Variants in HSPG2 observed in about 807,000 individuals in gnomAD.
The protein encoded by HSPG2 is heparan sulfate proteoglycan 2.
Under a neutral mutation model 526.6 loss-of-function variants are expected in HSPG2, and 278 were observed. The observed-to-expected ratio is 0.53, with a 90% CI of 0.48 to 0.58. The LOEUF is 0.58. Among genes scored for constraint, HSPG2 ranks in the 20% least tolerant of loss-of-function variants. HSPG2 has a pLI of 0.00. For synonymous variants in HSPG2, 2,465 were observed against 2,555.4 expected, an observed-to-expected ratio of 0.96 and a Z score of 1.07; for missense variants, 5,354 against 6,099.5, an observed-to-expected ratio of 0.88 and a Z score of 4.07.
intron 1 of HSPG2, among the ~76,000 whole-genome samples, chr1:21,913,890 C>G (rs1254622431): frequency 6.6e-6 from 1 of 152,232 alleles, no homozygotes; most frequent in East Asian, 1.9e-4. Context: ...GGCTCTGCCG[C>G]TTGCCAGCTG....
In HSPG2 at chr1:21,884,827, T is replaced by A; in HGVS notation, c.1447A>T (p.Asn483Tyr). ...DQGAYTCEAM[N>Y]ARGMVFGIPD... ...ATGCCAAACACCATGCCCCGGGCGT[T>A]CATGGCCTCACAGGTGTAGGCACCC... The change falls in exon 12 of 97, where the codon AAC becomes TAC. Residue 483 changes from asparagine (N) to tyrosine (Y), a missense_variant. By Grantham distance (143) the Asn-to-Tyr change is moderately radical. Coordinates refer to ENST00000374695, the MANE Select transcript of HSPG2 (RefSeq NM_005529.7). 6.2e-7 allele frequency: 1 copy of A among 1,613,836 alleles called. No individual in the cohort carries two copies. The highest frequency in any genetic ancestry group is 8.5e-7 in the Non-Finnish European group (1 of 1,180,002).
intron 1 of HSPG2, among the ~76,000 whole-genome samples, chr1:21,918,198 C>T (rs1643933451): frequency 6.6e-6 from 1 of 152,160 alleles, no homozygotes; most frequent in South Asian, 2.1e-4. Context: ...TGTGCAGTTG[C>T]TCACGTCTGT....
intron 1 of HSPG2, among the ~76,000 whole-genome samples, chr1:21,901,770 C>T (rs994911692): frequency 2.0e-5 from 3 of 152,126 alleles, no homozygotes. Context: ...CATCAAAATC[C>T]AGAGACAGTG....
In HSPG2 at chr1:21,883,951, A is replaced by T. The variant is rs113807776; in HGVS notation, c.1654+577T>A. Among the ~76,000 whole-genome samples the T allele has an allele frequency of 7.5e-4, 115 of 152,342 alleles. 1 individual carries two copies. Among genetic ancestry groups the T allele is most frequent in the African/African-American group, 2.7e-3 (111 of 41,578 alleles). On this transcript the variant is annotated intron_variant, in intron 13 of 96. Transcript: ENST00000374695. ...GGCCAAGAGACTTGCCCAAAGACAC[A>T]GCGGCAGTAAGTGGTATAGCTGGAG...
At chr1:21,891,978 A>G (rs1183783344) in intron 3 of HSPG2, among the ~76,000 whole-genome samples, 5 of 152,404 alleles carry the variant, frequency 3.3e-5, no homozygotes, top group African/African-American at 4.8e-5. Flanking sequence ...TGAATGAATA[A>G]GAGTGACAAA....
Position 21,842,261 on chromosome 1 carries a change from CG to C in HSPG2, c.9029del (p.Pro3010ArgfsTer95). On this transcript the variant is annotated frameshift_variant, in exon 68 of 97. Transcript: ENST00000374695. LOFTEE classifies it high-confidence loss of function. ...CACGGTAGGAAGACCCCTCACTGGG[CG>C]GGACGGTGACTGTGAAGGAGGCTTC... ...EQEASFTVTV[P>X]PSEGSSYRLR... The C allele has an allele frequency of 6.2e-7, 1 of 1,613,482 alleles. No homozygotes were observed. The highest frequency in any genetic ancestry group is 8.5e-7 in the Non-Finnish European group (1 of 1,179,862).
intron 91 of HSPG2, among the ~76,000 whole-genome samples, chr1:21,827,194 CA>C (rs1263471788): frequency 6.6e-6 from 1 of 152,076 alleles, no homozygotes; most frequent in Non-Finnish European, 1.5e-5. Flanking sequence ...GGTGAAAGAG[CA>C]AGACTCCACC....
rs138518139 is a variant in HSPG2 at position 21,896,225 on chromosome 1, T to A, written c.149A>T (p.His50Leu). 268 of 1,613,822 alleles carry A rather than the reference T, an allele frequency of 1.7e-4. No homozygotes were observed. The African/African-American group carries it at 3.3e-3, about 20-fold the overall frequency. The change falls in exon 2 of 97, where the codon CAT becomes CTT. Residue 50 changes from histidine to leucine, a missense_variant. Coordinates refer to ENST00000374695, the MANE Select transcript of HSPG2 (RefSeq NM_005529.7). ...GTCCTCATCATCAGAAAGGTACGAA[T>A]GTGTCCAGCGCATTTGGCTTGCTGT... ...TVTASQMRWT[H>L]SYLSDDEDML... is the part of the protein sequence containing the mutation.
intron 1 of HSPG2, among the ~76,000 whole-genome samples, chr1:21,909,519 T>C (rs12062911): frequency 0.011 from 1,694 of 152,338 alleles, 32 homozygotes; most frequent in African/African-American, 0.039. Flanking sequence ...CAACTATCCC[T>C]GATACTGAGA....
chr1:21,888,782 C>T (rs1316934286), intron 6 of HSPG2: 1 of 1,195,732 alleles, frequency 8.4e-7, no homozygotes, highest in African/African-American at 1.6e-5. Context: ...GGCTGCAGGG[C>T]TGGGCCACAT....
rs146544218 is a variant in HSPG2, at chr1:21,843,367, G to T, written c.8688C>A (p.Thr2896=). The change falls in exon 66 of 97, where the codon ACC becomes ACA. Residue 2896 remains threonine (T), a synonymous_variant. Coordinates refer to ENST00000374695, the MANE Select transcript of HSPG2 (RefSeq NM_005529.7). ...ATGCCTCCAGGGTGCCTGAGCTTCC[G>T]GTCACTTGGCACGAGTACTCGCCAG... The part of the protein sequence containing the change: ...ADSGEYSCQV[T]GSSGTLEASV... 3.1e-6 allele frequency: 5 copies of T among 1,614,038 alleles called. No homozygotes were observed. The South Asian group carries it at 5.5e-5, about 18-fold the overall frequency.
At chr1:21,920,000 G>A (rs909283189) in intron 1 of HSPG2, among the ~76,000 whole-genome samples, 6 of 152,156 alleles carry the variant, frequency 3.9e-5, no homozygotes, top group African/African-American at 1.2e-4. Context: ...GCCGCCTCCC[G>A]GGTTCAAGCG....
In HSPG2 at chr1:21,829,030, G is replaced by T; in HGVS notation, c.12042C>A (p.His4014Gln). The T allele has an allele frequency of 6.4e-7, 1 of 1,551,808 alleles. No homozygotes were observed. Among genetic ancestry groups the T allele is most frequent in the Admixed American group, 1.9e-5 (1 of 51,364 alleles). Residue 4014 changes from histidine (H) to glutamine (Q), a missense_variant, in exon 88 of 97, where the codon CAC becomes CAA. Coordinates refer to ENST00000374695, the MANE Select transcript of HSPG2 (RefSeq NM_005529.7). The stretch of plus-strand genomic sequence containing the variant: ...TGTTGAGACGCTCTGCAGACACACG[G>T]TGCCAGCGGCCCAGGGCCAGCGGCT... ...SAEPLALGRW[H>Q]RVSAERLNKD...
rs767958264 is a variant in HSPG2 at position 21,874,704 on chromosome 1, G to A, written c.3440C>T (p.Thr1147Met). 3.9e-5 allele frequency: 62 copies of A among 1,608,032 alleles called. No individual in the cohort carries two copies. The highest frequency in any genetic ancestry group is 2.4e-4 in the Admixed American group (14 of 59,126). ...GGTACCCAGGTAGAGGCCACTGGGC[G>A]TGCGTGTGTAGCCTGTGTCACAGTC... ...CQDCDTGYTR[T>M]PSGLYLGTCE... Residue 1147 changes from threonine to methionine, a missense_variant, in exon 27 of 97, where the codon ACG (threonine) becomes ATG (methionine). Coordinates refer to ENST00000374695, the MANE Select transcript of HSPG2 (RefSeq NM_005529.7).
chr1:21,846,069 C>T, intron 64 of HSPG2, 39 bp downstream of exon 64: 1 of 1,609,944 alleles, frequency 6.2e-7, no homozygotes, highest in Non-Finnish European at 8.5e-7. Context: ...TCCCTTCCTC[C>T]CTCCCCCGGC....
chr1:21,850,446 T>A lies in HSPG2; in HGVS notation c.7211A>T (p.Glu2404Val). The A allele has an allele frequency of 6.2e-7, 1 of 1,611,510 alleles. No homozygotes were observed. Among genetic ancestry groups the A allele is most frequent in the African/African-American group, 1.3e-5 (1 of 74,974 alleles). ...LYQASPADSG[E>V]YVCRVLGSSV... The stretch of plus-strand genomic sequence containing the variant: ...GCTGCCCAACACTCGGCACACGTAC[T>A]CGCCCGAGTCGGCGGGGGACGCTTG... The change falls in exon 56 of 97, where the codon GAG becomes GTG. Residue 2404 changes from glutamate (E) to valine (V), a missense_variant. By Grantham distance (121) the Glu-to-Val change is moderately radical (BLOSUM62 -2). Transcript: ENST00000374695.
At chr1:21,926,711 G>A (rs1644200958) in intron 1 of HSPG2, among the ~76,000 whole-genome samples, 2 of 138,074 alleles carry the variant, frequency 1.4e-5, no homozygotes, top group South Asian at 2.4e-4. Context: ...GCAGTGAGCC[G>A]AGATCGCACC....
chr1:21,861,880 C>T, intron 38 of HSPG2, 37 bp from the exon 39 acceptor site: 1 of 1,613,324 alleles, frequency 6.2e-7, no homozygotes. Context: ...TCATGGGAAG[C>T]CCAATCTCCA....
Position 21,839,962 on chromosome 1 carries a change from G to A in HSPG2, c.9569C>T (p.Ala3190Val). The change falls in exon 72 of 97, where the codon GCA (alanine) becomes GTA (valine). Residue 3190 changes from alanine to valine, a missense_variant. Transcript: ENST00000374695. This position sits in a 1 kb window ranked among gnomAD's most constrained non-coding sequence, Gnocchi z 4.5. ...CACCTGCTTCTGTGCTGTGCCTAGT[G>A]CATTCTGAGCAAGGCACACATAAGT... is the stretch of plus-strand genomic sequence containing the variant. ...AGTYVCLAQN[A>V]LGTAQKQVEV... 1 of 1,614,124 alleles carries A rather than the reference G, an allele frequency of 6.2e-7. No individual in the cohort carries two copies. Among genetic ancestry groups the A allele is most frequent in the Non-Finnish European group, 8.5e-7 (1 of 1,180,036 alleles).
Sources: allele counts gnomAD v4.1 joint callset (sites outside exome capture counted in the v4.1 genomes callset), GRCh38; gene constraint gnomAD v4.1.1; non-coding constraint Gnocchi (gnomAD v3.1); transcripts MANE v1.5; gene names NCBI Gene and HGNC (gene_info 2026-07-23, HGNC 2026-07-21).